The following FSHR variants were observed in gnomAD, a reference collection of about 807,000 sequenced individuals.
The protein encoded by FSHR is follicle stimulating hormone receptor.
Under a neutral mutation model 52.1 loss-of-function variants are expected in FSHR, and 46 were observed. The observed-to-expected ratio is 0.88, with a 90% CI of 0.70 to 1.13. The LOEUF is 1.13. FSHR is among the 50% of genes most tolerant of loss of function. The pLI, the probability that FSHR is intolerant of heterozygous loss-of-function variation, is 0.00. For synonymous variants in FSHR, 399 were observed against 309.6 expected, an observed-to-expected ratio of 1.29 and a Z score of -3.03; for missense variants, 964 against 834.6, an observed-to-expected ratio of 1.16 and a Z score of -1.91.
At chr2:49,080,051 C>A (rs1218858698) in intron 1 of FSHR, among the ~76,000 whole-genome samples, 1 of 151,734 alleles carries the variant, frequency 6.6e-6, no homozygotes, top group Non-Finnish European at 1.5e-5. Flanking sequence ...TATGAACAGG[C>A]AATTTATAGA....
intron 1 of FSHR, among the ~76,000 whole-genome samples, chr2:49,125,209 TCTAGCATAGGG>T (rs1217332626): frequency 6.6e-6 from 1 of 152,180 alleles, no homozygotes; most frequent in Non-Finnish European, 1.5e-5. Context: ...TACATCATCA[TCTAGCATAGGG>T]ATGCTCAATC....
chr2:48,987,385 A>C lies in FSHR; in HGVS notation c.524+1592T>G, dbSNP rs935224123. On this transcript the variant is annotated intron_variant, in intron 6 of 9. Coordinates refer to ENST00000406846, the MANE Select transcript of FSHR (RefSeq NM_000145.4). Reference sequence around the variant, plus strand: ...TGCCCAGCTAATTTTTTTTTTTTATATATTTTTAGTAGAGACGGGTTTCAC... The same window carrying C: ...TGCCCAGCTAATTTTTTTTTTTTATCTATTTTTAGTAGAGACGGGTTTCAC... Among the ~76,000 whole-genome samples the C allele has an allele frequency of 5.3e-5, 8 of 151,120 alleles. No homozygotes were observed. In the East Asian group the frequency reaches 7.8e-4, roughly 15 times the overall value.
At chr2:49,072,758 G>A (rs1374042800) in intron 1 of FSHR, among the ~76,000 whole-genome samples, 1 of 152,086 alleles carries the variant, frequency 6.6e-6, no homozygotes, top group Non-Finnish European at 1.5e-5. Context: ...CTTTCTACTA[G>A]TAGCAAAAGG....
intron 4 of FSHR, among the ~76,000 whole-genome samples, chr2:49,011,805 C>T (rs1667284723): frequency 1.3e-5 from 2 of 152,030 alleles, no homozygotes; most frequent in African/African-American, 4.8e-5. Flanking sequence ...CCTCTTGACT[C>T]CCTACCCTCT....
chr2:49,095,640 A>G (rs1302348069), intron 1 of FSHR, among the ~76,000 whole-genome samples: 1 of 152,186 alleles, frequency 6.6e-6, no homozygotes, highest in East Asian at 1.9e-4. Flanking sequence ...AATCAAAATT[A>G]AAAATATTTG....
Position 48,983,842 on chromosome 2 carries a change from A to G in FSHR, c.525-676T>C, listed in dbSNP as rs1280371027. Among the ~76,000 whole-genome samples the G allele has an allele frequency of 2.0e-5, 3 of 152,046 alleles. No individual in the cohort carries two copies. In the East Asian group the frequency reaches 5.8e-4, roughly 29 times the overall value. On this transcript the variant is annotated intron_variant, in intron 6 of 9. Coordinates refer to ENST00000406846, the MANE Select transcript of FSHR (RefSeq NM_000145.4). ...GGGGAGGAGGTTCTGGGGGAGGTGG[A>G]GATGGGTGTAGAACAGCCATCCTGA...
chr2:48,998,261 G>A (rs11125193), intron 4 of FSHR, among the ~76,000 whole-genome samples: 95,127 of 151,692 alleles, frequency 0.63, 29,982 homozygotes, highest in Non-Finnish European at 0.66. Flanking sequence ...GTGAAAGGTG[G>A]TATATTAATG....
chr2:49,021,863 C>CTCTCTCTCTATATA (rs1467766420), intron 2 of FSHR, among the ~76,000 whole-genome samples: 2 of 49,870 alleles, frequency 4.0e-5, no homozygotes, highest in African/African-American at 8.2e-5. Flanking sequence ...CTCTCTCTCT[C>CTCTCTCTCTATATA]TATATATATA....
chr2:49,051,345 A>G (rs1444962535), intron 2 of FSHR, among the ~76,000 whole-genome samples: 1 of 152,176 alleles, frequency 6.6e-6, no homozygotes, highest in Non-Finnish European at 1.5e-5. Flanking sequence ...CCTCACCAGT[A>G]ACCTACTATT....
chr2:49,086,177 A>G (rs1670384521), intron 1 of FSHR, among the ~76,000 whole-genome samples: 1 of 152,206 alleles, frequency 6.6e-6, no homozygotes, highest in African/African-American at 2.4e-5. Flanking sequence ...TAAAAACTAC[A>G]AATGATTGGC....
intron 1 of FSHR, among the ~76,000 whole-genome samples, chr2:49,145,667 T>C (rs77143572): frequency 0.011 from 1,709 of 152,224 alleles, 28 homozygotes; most frequent in African/African-American, 0.038. Flanking sequence ...TAGTTGCAAG[T>C]AAGAGCAAGG....
At chr2:48,984,485 C>T (rs1039577339) in intron 6 of FSHR, among the ~76,000 whole-genome samples, 7 of 151,622 alleles carry the variant, frequency 4.6e-5, no homozygotes, top group Middle Eastern at 6.8e-3. Flanking sequence ...GTTTTATGGG[C>T]CAAAAGGCAA....
intron 1 of FSHR, among the ~76,000 whole-genome samples, chr2:49,088,606 C>G (rs905820695): frequency 2.6e-5 from 4 of 152,144 alleles, no homozygotes; most frequent in Non-Finnish European, 5.9e-5. Flanking sequence ...TAAAGCAGTT[C>G]TTTAGGTGCC....
intron 5 of FSHR, 85 bp from the exon 6 acceptor site, chr2:48,989,139 G>A (rs551522921): frequency 2.9e-5 from 28 of 949,670 alleles, no homozygotes; most frequent in Middle Eastern, 2.3e-4. Flanking sequence ...GGCATGATGC[G>A]GTCTTCAGCT....
chr2:49,112,590 C>T lies in FSHR; in HGVS notation c.152+41676G>A, dbSNP rs192691782. On this transcript the variant is annotated intron_variant, in intron 1 of 9. Transcript: ENST00000406846. ...CATTGATAGGTAGAGAAACCCATGT[C>T]TTTGAAGTCTTTAAGCAGAAGTAGC... Among the ~76,000 whole-genome samples, 55 of 152,222 alleles carry T rather than the reference C, an allele frequency of 3.6e-4. 1 individual carries two copies. Among genetic ancestry groups the T allele is most frequent in the African/African-American group, 1.3e-3 (53 of 41,552 alleles).
chr2:48,976,438 TG>T (rs1377750100), intron 8 of FSHR, among the ~76,000 whole-genome samples: 34 of 152,354 alleles, frequency 2.2e-4, no homozygotes, highest in African/African-American at 7.5e-4. Context: ...GATATTGGCC[TG>T]AAATTTTTCT....
rs750715847 is a variant in FSHR at position 48,963,307 on chromosome 2, A to G, written c.1514T>C (p.Ile505Thr). 1 of 1,613,952 alleles carries G rather than the reference A, an allele frequency of 6.2e-7. No homozygotes were observed. Among genetic ancestry groups the G allele is most frequent in the African/African-American group, 1.3e-5 (1 of 74,932 alleles). The change falls in exon 10 of 10, where the codon ATC becomes ACC. Residue 505 changes from isoleucine (I) to threonine (T), a missense_variant. Transcript: ENST00000406846. ...CTTCATGTAGCTGCTGATGCCAAAG[A>G]TGGGAAAGAGGGCAGCTGCAAAAGC... ...IFAFAAALFP[I>T]FGISSYMKVS...
At chr2:49,009,409 A>G (rs960842379) in intron 4 of FSHR, among the ~76,000 whole-genome samples, 1 of 151,864 alleles carries the variant, frequency 6.6e-6, no homozygotes, top group Non-Finnish European at 1.5e-5. Flanking sequence ...TACGAGTACC[A>G]TGCCGTTTTG....
At chr2:49,039,275 C>G (rs1208760147) in intron 2 of FSHR, among the ~76,000 whole-genome samples, 1 of 152,274 alleles carries the variant, frequency 6.6e-6, no homozygotes, top group South Asian at 2.1e-4. Context: ...CAGGGTCTTT[C>G]TTTTTCCTGT....
Sources: allele counts gnomAD v4.1 joint callset (sites outside exome capture counted in the v4.1 genomes callset), GRCh38; gene constraint gnomAD v4.1.1; transcripts MANE v1.5; gene names NCBI Gene and HGNC (gene_info 2026-07-23, HGNC 2026-07-21).